The following STK39 variants were observed in gnomAD, a reference collection of about 807,000 sequenced individuals.
STK39 encodes the protein STE20/SPS1-related proline-alanine-rich protein kinase.
A neutral mutation model predicts 77.8 loss-of-function variants in STK39; 20 were observed. The ratio of observed to expected loss-of-function variants is 0.26; its 90% CI spans 0.18 to 0.37. STK39 has a LOEUF of 0.37. STK39 is among the 10% of genes least tolerant of loss of function. The pLI, the probability that STK39 is intolerant of heterozygous loss-of-function variation, is 1.00. For synonymous variants in STK39, 246 were observed against 234.1 expected (o/e 1.05, Z -0.47); for missense variants, 479 against 656.5 (o/e 0.73, Z 2.95).
intron 17 of STK39, among the ~76,000 whole-genome samples, chr2:167,961,602 C>T (rs924042733): frequency 6.6e-6 from 1 of 152,166 alleles, no homozygotes; most frequent in African/African-American, 2.4e-5. Flanking sequence ...ATACATCAAA[C>T]TCAAAGCACA....
chr2:168,032,259 T>C (rs968873840), intron 14 of STK39, among the ~76,000 whole-genome samples: 3 of 152,206 alleles, frequency 2.0e-5, no homozygotes, highest in African/African-American at 4.8e-5. Context: ...CGTGTGATTA[T>C]CAAATAATAA....
At chr2:167,967,108 C>T (rs1264011910) in intron 16 of STK39, among the ~76,000 whole-genome samples, 1 of 152,190 alleles carries the variant, frequency 6.6e-6, no homozygotes, top group Non-Finnish European at 1.5e-5. Context: ...GTGCTGAGAA[C>T]ACTGACCTTT....
intron 2 of STK39, among the ~76,000 whole-genome samples, chr2:168,168,017 A>T (rs1688732445): frequency 6.6e-6 from 1 of 152,206 alleles, no homozygotes; most frequent in Non-Finnish European, 1.5e-5. Flanking sequence ...TAAGCTTGGG[A>T]AAGATCAGAT....
chr2:168,092,446 A>T (rs550366118), intron 10 of STK39, among the ~76,000 whole-genome samples: 6 of 152,374 alleles, frequency 3.9e-5, no homozygotes, highest in Middle Eastern at 3.4e-3. Flanking sequence ...TTTACCTGTA[A>T]ATGGTTCTCA....
In STK39 at chr2:167,955,442, G is replaced by A; in HGVS notation, c.*54C>T. ...GGGCAGAAAGAGGGAGGGTTGAAGGGAGTAGGGGTGGCGGTGGGGCATGAC... is the reference window on the plus strand; with the variant it reads ...GGGCAGAAAGAGGGAGGGTTGAAGGAAGTAGGGGTGGCGGTGGGGCATGAC... On this transcript the variant is annotated 3_prime_UTR_variant, in exon 18 of 18. Transcript: ENST00000355999. The A allele has an allele frequency of 1.9e-6, 3 of 1,561,306 alleles. No individual in the cohort carries two copies. Among genetic ancestry groups the A allele is most frequent in the Non-Finnish European group, 1.8e-6 (2 of 1,135,998 alleles).
chr2:168,246,994 G>A (rs1690928975), intron 1 of STK39, among the ~76,000 whole-genome samples: 1 of 147,716 alleles, frequency 6.8e-6, no homozygotes, highest in Admixed American at 6.8e-5. Context: ...TCTGCAGTGC[G>A]AGTCACATCC....
chr2:168,098,871 C>T (rs1229438627), intron 10 of STK39, among the ~76,000 whole-genome samples: 7 of 152,238 alleles, frequency 4.6e-5, no homozygotes, highest in Non-Finnish European at 7.3e-5. Flanking sequence ...GCCAATCTGG[C>T]GAAGCCTGTA....
chr2:168,043,744 G>C (rs1378350350), intron 14 of STK39, among the ~76,000 whole-genome samples: 3 of 152,202 alleles, frequency 2.0e-5, no homozygotes. Context: ...ATATTACTCT[G>C]TGAAGATTTT....
intron 1 of STK39, among the ~76,000 whole-genome samples, chr2:168,217,449 G>A (rs931767987): frequency 2.6e-5 from 4 of 152,082 alleles, no homozygotes; most frequent in Admixed American, 1.3e-4. Context: ...AAAAATCAAA[G>A]AATCATATAA....
rs140140704 is a variant in STK39 at position 168,036,693 on chromosome 2, C to G, written c.1377-19598G>C. The stretch of plus-strand genomic sequence containing the variant: ...GCATGCTCAGAAGTCAAGGGCTTCA[C>G]TCAGATACCTGCTTCTGCTTTCTAA... On this transcript the variant is annotated intron_variant, in intron 14 of 17. Transcript: ENST00000355999. Among the ~76,000 whole-genome samples, 1,248 of 152,266 alleles carry G rather than the reference C, an allele frequency of 8.2e-3. 17 individuals are homozygous for G. The highest frequency in any genetic ancestry group is 0.028 in the African/African-American group (1,143 of 41,534).
chr2:168,019,797 G>A (rs1033769808), intron 14 of STK39, among the ~76,000 whole-genome samples: 2 of 152,046 alleles, frequency 1.3e-5, no homozygotes, highest in African/African-American at 2.4e-5. Flanking sequence ...TCTGCCTCCC[G>A]GGTTCTAGCA....
intron 6 of STK39, 80 bp from the exon 7 acceptor site, chr2:168,140,470 C>A: frequency 1.5e-6 from 2 of 1,338,502 alleles, no homozygotes; most frequent in Non-Finnish European, 2.1e-6. Flanking sequence ...TGTCAGAAAT[C>A]CACAGCTGTT....
chr2:168,191,029 G>T (rs1195100094), intron 1 of STK39, among the ~76,000 whole-genome samples: 1 of 152,208 alleles, frequency 6.6e-6, no homozygotes, highest in East Asian at 1.9e-4. Flanking sequence ...GTATGCTGTG[G>T]TGGTGGCTTC....
At chr2:167,959,568 T>C (rs1002430252) in intron 17 of STK39, among the ~76,000 whole-genome samples, 6 of 152,056 alleles carry the variant, frequency 3.9e-5, no homozygotes, top group Non-Finnish European at 8.8e-5. Flanking sequence ...AGAAAAAACA[T>C]GTAGGTAAGC....
intron 14 of STK39, among the ~76,000 whole-genome samples, chr2:168,056,385 A>C (rs1314195625): frequency 6.6e-6 from 1 of 152,162 alleles, no homozygotes; most frequent in Non-Finnish European, 1.5e-5. Context: ...CGTTCCCAGC[A>C]GGTAGGGCCA....
intron 5 of STK39, among the ~76,000 whole-genome samples, chr2:168,158,115 C>T (rs569294987): frequency 2.0e-5 from 3 of 152,148 alleles, no homozygotes; most frequent in African/African-American, 7.2e-5. Flanking sequence ...AATGCTATGC[C>T]GTGGGAAGAA....
intron 10 of STK39, among the ~76,000 whole-genome samples, chr2:168,121,162 T>A (rs995085096): frequency 4.6e-5 from 7 of 152,214 alleles, no homozygotes; most frequent in African/African-American, 1.7e-4. Flanking sequence ...GAGGTATGAT[T>A]TGGTGGAAAG....
At chr2:168,171,330 G>A (rs1021058272) in intron 2 of STK39, among the ~76,000 whole-genome samples, 22 of 152,050 alleles carry the variant, frequency 1.4e-4, no homozygotes, top group African/African-American at 5.3e-4. Flanking sequence ...TGCCAGCCCT[G>A]CAAAATTTGC....
chr2:168,103,872 T>C (rs540490128), intron 10 of STK39, among the ~76,000 whole-genome samples: 191 of 152,370 alleles, frequency 1.3e-3, no homozygotes, highest in African/African-American at 4.1e-3. Flanking sequence ...TCTAAGACTT[T>C]AACTTATCTA....
Sources: gnomAD v4.1 joint callset for allele counts (sites outside exome capture counted in the v4.1 genomes callset) on GRCh38, gnomAD v4.1.1 for gene constraint, MANE v1.5 for transcripts, NCBI Gene and HGNC (gene_info 2026-07-23, HGNC 2026-07-21) for gene names.